ZDHHC3: variants seen among roughly 807,000 people sequenced by gnomAD.
ZDHHC3 encodes zDHHC palmitoyltransferase 3, also known as palmitoyltransferase ZDHHC3.
Under a neutral mutation model 30.6 loss-of-function variants are expected in ZDHHC3, and 9 were observed. The ratio of observed to expected loss-of-function variants is 0.29; its 90% CI spans 0.18 to 0.51. The LOEUF (loss-of-function observed/expected upper bound fraction) is 0.51, where lower values mean the gene tolerates loss of function less well. ZDHHC3 is among the 20% of genes least tolerant of loss of function. The pLI is 0.97. For missense variants in ZDHHC3, 246 were observed against 384.2 expected (o/e 0.64, Z 3.01); for synonymous variants, 136 against 140.2 (o/e 0.97, Z 0.21).
Position 44,922,390 on chromosome 3 carries a change from G to T in ZDHHC3, c.*4299C>A. ...TCACCCAAAGGGCCCTTGGTCTAGA[G>T]ATGGGTTCCACTGATGAGATGCACA... On this transcript the variant is annotated 3_prime_UTR_variant, in exon 7 of 7. Coordinates refer to ENST00000424952, the MANE Select transcript of ZDHHC3 (RefSeq NM_001135179.2). The T allele has an allele frequency of 1.0e-6, 1 of 985,428 alleles. No individual in the cohort carries two copies. The highest frequency in any genetic ancestry group is 1.2e-6 in the Non-Finnish European group (1 of 829,928). The allele number at this position is 985,428 out of a possible 1,614,324, so 61.0% of individuals were successfully genotyped here.
In ZDHHC3 at chr3:44,924,951, G is replaced by A. The variant is rs1239740049; in HGVS notation, c.*1738C>T. On this transcript the variant is annotated 3_prime_UTR_variant, in exon 7 of 7. Coordinates refer to ENST00000424952, the MANE Select transcript of ZDHHC3 (RefSeq NM_001135179.2). The stretch of plus-strand genomic sequence containing the variant: ...CTTAGGAGAGCCCATCAGCACAAAG[G>A]AATTGATTCAGGCTGCAGAAAGCAA... 1.1e-5 allele frequency: 11 copies of A among 985,460 alleles called. No individual in the cohort carries two copies. Among genetic ancestry groups the A allele is most frequent in the Non-Finnish European group, 1.2e-5 (10 of 829,934 alleles). 61.0% of individuals were successfully genotyped at this position (985,460 alleles called of 1,614,324 possible). A position where few individuals can be genotyped will look rare whatever the true frequency, so the allele number is the denominator to read the frequency against.
intron 5 of ZDHHC3, among the ~76,000 whole-genome samples, chr3:44,931,576 T>C (rs1346955645): frequency 6.6e-6 from 1 of 152,168 alleles, no homozygotes; most frequent in African/African-American, 2.4e-5. Flanking sequence ...AGGGCAGTAA[T>C]GGTCATATAC....
At chr3:44,958,569 T>A in intron 2 of ZDHHC3, 1 of 1,535,238 alleles carries the variant, frequency 6.5e-7, no homozygotes, top group Non-Finnish European at 8.7e-7. Flanking sequence ...ACACTACTGC[T>A]TTACCCACAG....
intron 1 of ZDHHC3, among the ~76,000 whole-genome samples, chr3:44,964,344 T>A (rs1470125511): frequency 6.6e-6 from 1 of 152,160 alleles, no homozygotes; most frequent in Non-Finnish European, 1.5e-5. Context: ...AGCATACTGC[T>A]TACAAAAAGG....
At chr3:44,970,415 C>T (rs1463158654) in intron 1 of ZDHHC3, among the ~76,000 whole-genome samples, 2 of 152,228 alleles carry the variant, frequency 1.3e-5, no homozygotes, top group Non-Finnish European at 2.9e-5. Flanking sequence ...ACTCCCAATC[C>T]TGCCACTCGC....
At chr3:44,941,669 A>G (rs1416464468) in intron 3 of ZDHHC3, among the ~76,000 whole-genome samples, 2 of 151,782 alleles carry the variant, frequency 1.3e-5, no homozygotes, top group African/African-American at 4.8e-5. Flanking sequence ...GGAGTGTCTA[A>G]TCTTTTGTCT....
chr3:44,954,306 A>G (rs556918041), intron 2 of ZDHHC3, among the ~76,000 whole-genome samples: 42 of 152,344 alleles, frequency 2.8e-4, no homozygotes, highest in Admixed American at 1.6e-3. Context: ...GTTTCAGTCA[A>G]TGACAAGTCC....
At chr3:44,971,414 T>G (rs911363744) in intron 1 of ZDHHC3, among the ~76,000 whole-genome samples, 3 of 152,192 alleles carry the variant, frequency 2.0e-5, no homozygotes, top group African/African-American at 7.2e-5. Context: ...TTGACAGCCA[T>G]GAATGAACTG....
At chr3:44,965,645 A>G (rs528669713) in intron 1 of ZDHHC3, among the ~76,000 whole-genome samples, 1 of 152,222 alleles carries the variant, frequency 6.6e-6, no homozygotes, top group African/African-American at 2.4e-5. Context: ...CCTGACCCAC[A>G]GTCCATGCTT....
At chr3:44,958,465 A>G (rs1206193565) in intron 2 of ZDHHC3, 2 of 859,892 alleles carry the variant, frequency 2.3e-6, no homozygotes, top group African/African-American at 3.3e-5. Flanking sequence ...CCCATACAAG[A>G]AAAGGAACAG....
Position 44,925,636 on chromosome 3 carries a change from C to A in ZDHHC3, c.*1053G>T. The A allele has an allele frequency of 1.0e-6, 1 of 985,486 alleles. No homozygotes were observed. The highest frequency in any genetic ancestry group is 1.2e-6 in the Non-Finnish European group (1 of 829,946). 61.0% of individuals were successfully genotyped at this position (985,486 alleles called of 1,614,324 possible). A position where few individuals can be genotyped will look rare whatever the true frequency, so the allele number is the denominator to read the frequency against. On this transcript the variant is annotated 3_prime_UTR_variant, in exon 7 of 7. Transcript: ENST00000424952. ...GGGGACTGTGAGGTAACCCCAGCAT[C>A]ATGGTCATCTCCATGCCAGGACAAC...
Position 44,926,066 on chromosome 3 carries a change from A to G in ZDHHC3, c.*623T>C. 1.0e-6 allele frequency: 1 copy of G among 985,890 alleles called. No individual in the cohort carries two copies. The highest frequency in any genetic ancestry group is 4.7e-5 in the South Asian group (1 of 21,290). 61.1% of individuals were successfully genotyped at this position (985,890 alleles called of 1,614,324 possible). ...CATCTTTCTCCCCACTCCCCCGCAAAATCATTCTACACACCCCAAGCCCAT... is the reference window on the plus strand; with the variant it reads ...CATCTTTCTCCCCACTCCCCCGCAAGATCATTCTACACACCCCAAGCCCAT... On this transcript the variant is annotated 3_prime_UTR_variant, in exon 7 of 7. Coordinates refer to ENST00000424952, the MANE Select transcript of ZDHHC3 (RefSeq NM_001135179.2).
intron 3 of ZDHHC3, among the ~76,000 whole-genome samples, chr3:44,937,312 T>G (rs1166877342): frequency 1.3e-5 from 2 of 151,828 alleles, no homozygotes; most frequent in African/African-American, 2.4e-5. Context: ...GGTGTGGTAG[T>G]GTGCACCTGT....
chr3:44,922,680 C>T lies in ZDHHC3; in HGVS notation c.*4009G>A, dbSNP rs1429047152. 2 of 985,270 alleles carry T rather than the reference C, an allele frequency of 2.0e-6. No individual in the cohort carries two copies. The highest frequency in any genetic ancestry group is 2.4e-6 in the Non-Finnish European group (2 of 829,928). 61.0% of individuals were successfully genotyped at this position (985,270 alleles called of 1,614,324 possible). ...TGCTAGCCCCAACTGGATTCTCAAA[C>T]TTGATAGTCAGAATCACCTGGAGGG... On this transcript the variant is annotated 3_prime_UTR_variant, in exon 7 of 7. Coordinates refer to ENST00000424952, the MANE Select transcript of ZDHHC3 (RefSeq NM_001135179.2).
chr3:44,920,964 G>C lies in ZDHHC3; in HGVS notation c.*5725C>G. The C allele has an allele frequency of 3.0e-6, 3 of 985,440 alleles. No individual in the cohort carries two copies. The highest frequency in any genetic ancestry group is 3.6e-6 in the Non-Finnish European group (3 of 829,928). The allele number at this position is 985,440 out of a possible 1,614,324, so 61.0% of individuals were successfully genotyped here. On this transcript the variant is annotated 3_prime_UTR_variant, in exon 7 of 7. Transcript: ENST00000424952. ...CTTTTTCCTGGTAGGACTCAATTTTGAGTTTTGTGTGGATTTAAAGGGATC... is the reference window on the plus strand; with the variant it reads ...CTTTTTCCTGGTAGGACTCAATTTTCAGTTTTGTGTGGATTTAAAGGGATC...
chr3:44,970,505 G>A (rs150444587), intron 1 of ZDHHC3, among the ~76,000 whole-genome samples: 2 of 152,336 alleles, frequency 1.3e-5, no homozygotes, highest in Admixed American at 1.3e-4. Context: ...GGAAGATCAC[G>A]CTGATTGCTA....
chr3:44,934,242 T>A (rs1701749631), intron 3 of ZDHHC3, among the ~76,000 whole-genome samples: 1 of 152,124 alleles, frequency 6.6e-6, no homozygotes, highest in Admixed American at 6.5e-5. Context: ...GGAACTGACA[T>A]GGTTACATGG....
intron 3 of ZDHHC3, chr3:44,938,570 C>T (rs189399707): frequency 1.7e-4 from 26 of 152,486 alleles, no homozygotes; most frequent in Admixed American, 1.6e-3. Context: ...TTAGTTCACA[C>T]CAGCTTTCCT....
At position 44,925,511 on chromosome 3, in the gene ZDHHC3, GC is replaced by G. The variant is rs1700909867; in HGVS notation, c.*1177del. 3 of 985,470 alleles carry G rather than the reference GC, an allele frequency of 3.0e-6. No homozygotes were observed. The highest frequency in any genetic ancestry group is 3.6e-6 in the Non-Finnish European group (3 of 829,934). The allele number at this position is 985,470 out of a possible 1,614,324, so 61.0% of individuals were successfully genotyped here. A position where few individuals can be genotyped will look rare whatever the true frequency, so the allele number is the denominator to read the frequency against. On this transcript the variant is annotated 3_prime_UTR_variant, in exon 7 of 7. Coordinates refer to ENST00000424952, the MANE Select transcript of ZDHHC3 (RefSeq NM_001135179.2). Reference sequence around the variant, plus strand: ...TTCAAACAAGACTGACACAGGAAGTGCCTCTCAAATGGAAAATCTATTCTGT... The same window carrying G: ...TTCAAACAAGACTGACACAGGAAGTGCTCTCAAATGGAAAATCTATTCTGT...
Sources: gnomAD v4.1 joint callset for allele counts (sites outside exome capture counted in the v4.1 genomes callset) on GRCh38, gnomAD v4.1.1 for gene constraint, MANE v1.5 for transcripts, NCBI Gene and HGNC (gene_info 2026-07-23, HGNC 2026-07-21) for gene names.